Variants in CAND1 observed in about 807,000 individuals in gnomAD.
CAND1 encodes the protein cullin associated and neddylation dissociated 1.
Under a neutral mutation model 108.5 loss-of-function variants are expected in CAND1, and 7 were observed. The observed-to-expected ratio is 0.06, with a 90% CI of 0.04 to 0.12. The LOEUF is 0.12. Ranked by LOEUF, CAND1 falls within the 10% of genes least tolerant of loss-of-function variation. CAND1 has a pLI of 1.00. For missense variants in CAND1, 941 were observed against 1,448.7 expected, an observed-to-expected ratio of 0.65 and a Z score of 5.69; for synonymous variants, 534 against 512.0, an observed-to-expected ratio of 1.04 and a Z score of -0.58.
In CAND1 at chr12:67,318,325, A is replaced by G. The variant is rs184546341; in HGVS notation, c.*5495A>G. 6.6e-6 allele frequency: 1 copy of G among 152,370 alleles called. No homozygotes were observed. Among genetic ancestry groups the G allele is most frequent in the African/African-American group, 2.4e-5 (1 of 41,592 alleles). The allele number at this position is 152,370 out of a possible 1,614,324, so 9.4% of individuals were successfully genotyped here. A position where few individuals can be genotyped will look rare whatever the true frequency, so the allele number is the denominator to read the frequency against. ...CAGATAGATAGACATCATATATCATATTAGTTTGAATCCTGGCTGTTAGCT... is the reference window on the plus strand; with the variant it reads ...CAGATAGATAGACATCATATATCATGTTAGTTTGAATCCTGGCTGTTAGCT... On this transcript the variant is annotated 3_prime_UTR_variant, in exon 15 of 15. Coordinates refer to ENST00000545606, the MANE Select transcript of CAND1 (RefSeq NM_018448.5).
chr12:67,308,805 G>A (rs938818188), intron 11 of CAND1, among the ~76,000 whole-genome samples: 5 of 151,842 alleles, frequency 3.3e-5, no homozygotes, highest in African/African-American at 9.7e-5. Context: ...TTGAAACCAC[G>A]CTGTTTCTCA....
chr12:67,294,804 G>A (rs1171456220), intron 3 of CAND1, among the ~76,000 whole-genome samples: 3 of 152,020 alleles, frequency 2.0e-5, no homozygotes, highest in Non-Finnish European at 4.4e-5. Flanking sequence ...GATCTCCTGT[G>A]TCTCATGATC....
At chr12:67,302,269 A>G (rs2044832345) in intron 7 of CAND1, 54 bp from the exon 8 acceptor site, 4 of 1,466,656 alleles carry the variant, frequency 2.7e-6, no homozygotes, top group African/African-American at 2.8e-5. Context: ...TCTGTTTTAA[A>G]TGATATACTT....
chr12:67,294,146 T>A (rs984827491), intron 3 of CAND1, among the ~76,000 whole-genome samples: 2 of 152,236 alleles, frequency 1.3e-5, no homozygotes, highest in East Asian at 3.8e-4. Flanking sequence ...ATATATTTTT[T>A]AATTTTTTTT....
At chr12:67,311,613 T>C in intron 13 of CAND1, 80 bp from the exon 14 acceptor site, 4 of 855,240 alleles carry the variant, frequency 4.7e-6, no homozygotes, top group Non-Finnish European at 7.8e-6. Flanking sequence ...TATTTTCCTT[T>C]AAAGGATTTG....
intron 4 of CAND1, 192 bp from the exon 5 acceptor site, chr12:67,297,215 G>T (rs1228067769): frequency 3.0e-6 from 2 of 670,398 alleles, no homozygotes; most frequent in East Asian, 5.5e-5. Flanking sequence ...TTTCAGTGCT[G>T]CATTCACTTA....
rs543023782 is a variant in CAND1, at chr12:67,303,004, C to A, written c.1293+389C>A. On this transcript the variant is annotated intron_variant, in intron 8 of 14. Coordinates refer to ENST00000545606, the MANE Select transcript of CAND1 (RefSeq NM_018448.5). ...TCACTTTTCTTATTTGTAATAAGAA[C>A]GTACTTAGAAATATCTACCTGTGGT... Among the ~76,000 whole-genome samples, 159 of 152,250 alleles carry A rather than the reference C, an allele frequency of 1.0e-3. 1 individual carries two copies. The highest frequency in any genetic ancestry group is 3.8e-3 in the African/African-American group (158 of 41,558).
rs758872428 is a variant in CAND1 at position 67,292,661 on chromosome 12, A to G, written c.252A>G (p.Val84=). ...TGAGTAAAGTGAAAGAATACCAAGT[A>G]GAGACAATTGTAGATACCCTCTGCA... is the stretch of plus-strand genomic sequence containing the variant. ...PLVSKVKEYQ[V]ETIVDTLCTN... is the part of the protein sequence containing the mutation. The change falls in exon 3 of 15, where the codon GTA becomes GTG. Residue 84 remains valine (V), a synonymous_variant. Transcript: ENST00000545606. 1.9e-5 allele frequency: 31 copies of G among 1,612,700 alleles called. No individual in the cohort carries two copies. The highest frequency in any genetic ancestry group is 2.4e-5 in the Non-Finnish European group (28 of 1,179,322).
chr12:67,300,280 TA>T (rs10713081), intron 7 of CAND1, among the ~76,000 whole-genome samples: 123,332 of 152,044 alleles, frequency 0.81, 50,399 homozygotes, highest in African/African-American at 0.91. Flanking sequence ...TCCTTGAACT[TA>T]ACCTGTTATA....
At chr12:67,308,936 G>A (rs1476959547) in intron 11 of CAND1, among the ~76,000 whole-genome samples, 1 of 151,702 alleles carries the variant, frequency 6.6e-6, no homozygotes, top group Admixed American at 6.6e-5. Context: ...TTTCAAGTTG[G>A]CATTCAAGTC....
In CAND1 at chr12:67,306,629, T is replaced by G. The variant is rs530310188; in HGVS notation, c.2929+32T>G. ...ATCTAGATTTTCTTACTTAAAAAGTTTTTTATTGATAGTTGGTTGCCTTAA... is the reference window on the plus strand; with the variant it reads ...ATCTAGATTTTCTTACTTAAAAAGTGTTTTATTGATAGTTGGTTGCCTTAA... On this transcript the variant is annotated intron_variant, in intron 10 of 14. Transcript: ENST00000545606. The G allele has an allele frequency of 6.0e-6, 9 of 1,511,098 alleles. No homozygotes were observed. In the East Asian group the frequency reaches 1.1e-4, roughly 19 times the overall value. The allele number at this position is 1,511,098 out of a possible 1,614,324, so 93.6% of individuals were successfully genotyped here. A position where few individuals can be genotyped will look rare whatever the true frequency, so the allele number is the denominator to read the frequency against.
intron 1 of CAND1, among the ~76,000 whole-genome samples, chr12:67,272,609 T>C (rs2135986915): frequency 6.6e-6 from 1 of 151,508 alleles, no homozygotes; most frequent in South Asian, 2.1e-4. Context: ...TATTAAGACT[T>C]AGGAGAAATG....
chr12:67,298,917 G>T, intron 6 of CAND1, 33 bp from the exon 7 acceptor site: 3 of 1,326,800 alleles, frequency 2.3e-6, no homozygotes, highest in Non-Finnish European at 3.2e-6. Context: ...GTAAAATGCA[G>T]CTCTTCAAGG....
Position 67,319,478 on chromosome 12 carries a change from A to C in CAND1, c.*6648A>C, listed in dbSNP as rs1281619748. ...TCCCTGGACAAGTAATGAAGAGGGC[A>C]TAATCCAAGGGCCAACTCCCATGTT... On this transcript the variant is annotated 3_prime_UTR_variant, in exon 15 of 15. Coordinates refer to ENST00000545606, the MANE Select transcript of CAND1 (RefSeq NM_018448.5). The C allele has an allele frequency of 6.6e-6, 1 of 152,172 alleles. No individual in the cohort carries two copies. The highest frequency in any genetic ancestry group is 1.9e-4 in the East Asian group (1 of 5,200). The allele number at this position is 152,172 out of a possible 1,614,324, so 9.4% of individuals were successfully genotyped here.
chr12:67,292,928 T>A, intron 3 of CAND1, 152 bp downstream of exon 3: 2 of 646,068 alleles, frequency 3.1e-6, no homozygotes, highest in South Asian at 1.9e-5. Flanking sequence ...AATTAAAGCG[T>A]GAAGCCTTAT....
chr12:67,270,772 A>T (rs2044513689), intron 1 of CAND1: 1 of 6,896 alleles, frequency 1.5e-4, no homozygotes, highest in African/African-American at 1.0e-3. Context: ...CTCAATCTAA[A>T]AAAAAAAAAA....
rs768918083 is a variant in CAND1 at position 67,304,580 on chromosome 12, G to A, written c.1294-25G>A. The A allele has an allele frequency of 6.2e-6, 10 of 1,610,750 alleles. No homozygotes were observed. In the East Asian group the frequency reaches 6.7e-5, roughly 11 times the overall value. On this transcript the variant is annotated intron_variant, in intron 8 of 14. Transcript: ENST00000545606. ...TGAGGAAATACCAACAGCTGAACCA[G>A]CTAATGACTATATGATAATTGCAGG...
chr12:67,283,233 A>G (rs764855866), intron 2 of CAND1, among the ~76,000 whole-genome samples: 23 of 152,228 alleles, frequency 1.5e-4, no homozygotes, highest in Non-Finnish European at 3.1e-4. Context: ...CCAGACATGC[A>G]ATACAAATTT....
In CAND1 at chr12:67,313,507, G is replaced by T. The variant is rs1400823919; in HGVS notation, c.*677G>T. On this transcript the variant is annotated 3_prime_UTR_variant, in exon 15 of 15. Coordinates refer to ENST00000545606, the MANE Select transcript of CAND1 (RefSeq NM_018448.5). ...AATATAGAAGTTAAAATAAGTATTAGTGCAATTTTCAGATATTTATTTTTG... is the reference window on the plus strand; with the variant it reads ...AATATAGAAGTTAAAATAAGTATTATTGCAATTTTCAGATATTTATTTTTG... The T allele has an allele frequency of 6.6e-6, 1 of 152,528 alleles. No individual in the cohort carries two copies. The highest frequency in any genetic ancestry group is 2.1e-4 in the South Asian group (1 of 4,832). 9.4% of individuals were successfully genotyped at this position (152,528 alleles called of 1,614,324 possible).
Sources: gnomAD v4.1 joint callset for allele counts (sites outside exome capture counted in the v4.1 genomes callset) on GRCh38, gnomAD v4.1.1 for gene constraint, MANE v1.5 for transcripts, NCBI Gene and HGNC (gene_info 2026-07-23, HGNC 2026-07-21) for gene names.